SIPA1L1: variants seen among roughly 807,000 people sequenced by gnomAD.
SIPA1L1 encodes the protein signal induced proliferation associated 1 like 1.
A neutral mutation model predicts 162.7 loss-of-function variants in SIPA1L1; 26 were observed. The ratio of observed to expected loss-of-function variants is 0.16; its 90% confidence interval spans 0.12 to 0.22. SIPA1L1 has a LOEUF of 0.22. Among genes scored for constraint, SIPA1L1 ranks in the 10% least tolerant of loss-of-function variants. SIPA1L1 has a pLI of 1.00. For missense variants in SIPA1L1, 1,874 were observed against 2,241.0 expected, an observed-to-expected ratio of 0.84 and a Z score of 3.31; for synonymous variants, 829 against 837.4, an observed-to-expected ratio of 0.99 and a Z score of 0.17.
At chr14:71,427,652 C>T (rs929552926) in intron 2 of SIPA1L1, among the ~76,000 whole-genome samples, 1 of 152,174 alleles carries the variant, frequency 6.6e-6, no homozygotes, top group Non-Finnish European at 1.5e-5. Flanking sequence ...ATTGTCCTCT[C>T]TTCAGGTTCA....
intron 9 of SIPA1L1, among the ~76,000 whole-genome samples, chr14:71,659,417 G>A (rs571097555): frequency 6.6e-6 from 1 of 152,228 alleles, no homozygotes; most frequent in East Asian, 1.9e-4. Context: ...GATTGCCAGT[G>A]TAATAAAAAA....
In SIPA1L1 at chr14:71,704,605, G is replaced by A. The variant is rs971744584; in HGVS notation, c.3647-617G>A. 5 of 715,250 alleles carry A rather than the reference G, an allele frequency of 7.0e-6. No homozygotes were observed. The South Asian group carries it at 7.9e-5, about 11-fold the overall frequency. 44.3% of individuals were successfully genotyped at this position (715,250 alleles called of 1,614,324 possible). On this transcript the variant is annotated intron_variant, in intron 15 of 23. Coordinates refer to ENST00000381232, the MANE Select transcript of SIPA1L1 (RefSeq NM_001386936.1). ...TATTAGCTATAGTGGTGTTATGGAG[G>A]ATAAATTCTTTATCTCTCACTTTTG...
At chr14:71,486,093 A>G (rs1265406507) in intron 2 of SIPA1L1, among the ~76,000 whole-genome samples, 1 of 152,258 alleles carries the variant, frequency 6.6e-6, no homozygotes, top group Non-Finnish European at 1.5e-5. Context: ...TTTCATAATC[A>G]TACGGATGTG....
At chr14:71,591,749 G>A (rs1192522912) in intron 5 of SIPA1L1, among the ~76,000 whole-genome samples, 1 of 152,132 alleles carries the variant, frequency 6.6e-6, no homozygotes, top group East Asian at 1.9e-4. Flanking sequence ...TCTTAATTGT[G>A]TTAATAGGCT....
chr14:71,350,215 C>T (rs61991237), intron 2 of SIPA1L1, among the ~76,000 whole-genome samples: 103 of 147,492 alleles, frequency 7.0e-4, no homozygotes, highest in Non-Finnish European at 1.3e-3. Context: ...GGTGAAACCC[C>T]GTCTCTACTA....
chr14:71,461,008 A>C (rs959342061), intron 2 of SIPA1L1, among the ~76,000 whole-genome samples: 1 of 152,196 alleles, frequency 6.6e-6, no homozygotes, highest in African/African-American at 2.4e-5. Context: ...GTTAGCTGTA[A>C]AGTTAGTGCC....
chr14:71,433,067 A>T (rs2044116555), intron 2 of SIPA1L1, among the ~76,000 whole-genome samples: 1 of 152,174 alleles, frequency 6.6e-6, no homozygotes. Context: ...TTATCTGTTT[A>T]TAGGTGAGAA....
intron 4 of SIPA1L1, among the ~76,000 whole-genome samples, chr14:71,559,513 G>A (rs2056615134): frequency 6.6e-6 from 1 of 152,166 alleles, no homozygotes. Context: ...GTAAAATATT[G>A]TCAAGCATTC....
intron 2 of SIPA1L1, among the ~76,000 whole-genome samples, chr14:71,492,346 T>C (rs751953197): frequency 1.8e-4 from 28 of 152,084 alleles, no homozygotes; most frequent in Non-Finnish European, 4.0e-4. Context: ...TCCAACAGCA[T>C]AAAGGGTCAG....
intron 10 of SIPA1L1, among the ~76,000 whole-genome samples, chr14:71,667,749 T>C (rs1412119472): frequency 6.6e-6 from 1 of 152,172 alleles, no homozygotes; most frequent in Non-Finnish European, 1.5e-5. Context: ...TTTCTCAATT[T>C]TTATCCACTA....
intron 4 of SIPA1L1, among the ~76,000 whole-genome samples, chr14:71,567,970 T>C (rs1342218523): frequency 6.6e-6 from 1 of 152,248 alleles, no homozygotes; most frequent in Non-Finnish European, 1.5e-5. Context: ...TCTTTTAGCA[T>C]GCTAATGTAT....
intron 13 of SIPA1L1, among the ~76,000 whole-genome samples, chr14:71,692,714 C>T (rs2081335160): frequency 1.3e-5 from 2 of 152,234 alleles, no homozygotes; most frequent in Non-Finnish European, 2.9e-5. Context: ...TGCTCCAGTA[C>T]TGTGTCCAGC....
intron 9 of SIPA1L1, among the ~76,000 whole-genome samples, chr14:71,659,954 C>A (rs530181625): frequency 3.2e-4 from 49 of 151,704 alleles, no homozygotes; most frequent in South Asian, 8.3e-4. Context: ...GAAAAAAAAA[C>A]CAGGAAAAAT....
chr14:71,341,746 C>T (rs1397700727), intron 2 of SIPA1L1, among the ~76,000 whole-genome samples: 1 of 152,126 alleles, frequency 6.6e-6, no homozygotes, highest in African/African-American at 2.4e-5. Context: ...TAAGTGAGAA[C>T]ATGTGGTATT....
intron 14 of SIPA1L1, 34 bp downstream of exon 14, chr14:71,699,161 C>T: frequency 6.2e-7 from 1 of 1,604,966 alleles, no homozygotes; most frequent in Non-Finnish European, 8.5e-7. Context: ...TACATGGTCC[C>T]TGTTGGCATC....
rs558996501 is a variant in SIPA1L1 at position 71,446,501 on chromosome 14, A to C, written c.-464-66242A>C. 1.9e-3 allele frequency among the ~76,000 whole-genome samples: 289 copies of C among 152,300 alleles called. 1 individual carries two copies. Among genetic ancestry groups the C allele is most frequent in the African/African-American group, 6.6e-3 (273 of 41,556 alleles). On this transcript the variant is annotated intron_variant, in intron 2 of 23. Transcript: ENST00000381232. ...AGGATCGCTTGAGCCCAGGAGTTCC[A>C]GGCTGCAGCTGAGTTATGATCATGC...
chr14:71,392,146 A>G (rs1323087329), intron 2 of SIPA1L1, among the ~76,000 whole-genome samples: 2 of 152,136 alleles, frequency 1.3e-5, no homozygotes, highest in South Asian at 2.1e-4. Context: ...GGAAAGCTAT[A>G]AATCCCAATA....
rs1188652004 is a variant in SIPA1L1 at position 71,588,116 on chromosome 14, GA to G, written c.245del (p.Asp82ValfsTer9). 6.2e-7 allele frequency: 1 copy of G among 1,614,078 alleles called. No individual in the cohort carries two copies. The highest frequency in any genetic ancestry group is 1.3e-5 in the African/African-American group (1 of 74,954). On this transcript the variant is annotated frameshift_variant, in exon 5 of 24. Transcript: ENST00000381232. LOFTEE classifies it high-confidence loss of function. This position sits in a 1 kb window ranked among gnomAD's most constrained non-coding sequence, Gnocchi z 4.3. ...AATGGGGGTAAGGGCAAGGATTGCAGATTGGCCCCCAAGAAAGGAAAACATA... is the reference window on the plus strand; with the variant it reads ...AATGGGGGTAAGGGCAAGGATTGCAGTTGGCCCCCAAGAAAGGAAAACATA... ...PKMGVRARIA[D>X]WPPRKENIKE...
intron 10 of SIPA1L1, among the ~76,000 whole-genome samples, chr14:71,664,510 G>A (rs1429859770): frequency 6.6e-6 from 1 of 152,104 alleles, no homozygotes; most frequent in African/African-American, 2.4e-5. Flanking sequence ...TCACACCAGG[G>A]TAAATGGGGT....
Sources: allele counts gnomAD v4.1 joint callset (sites outside exome capture counted in the v4.1 genomes callset), GRCh38; gene constraint gnomAD v4.1.1; non-coding constraint Gnocchi (gnomAD v3.1); transcripts MANE v1.5; gene names NCBI Gene and HGNC (gene_info 2026-07-23, HGNC 2026-07-21).